SLC27A4: variants seen among roughly 807,000 people sequenced by gnomAD.
SLC27A4 encodes the protein solute carrier family 27 member 4, also known as long-chain fatty acid transport protein 4.
SLC27A4 carries 33 observed loss-of-function variants against 64.4 expected under a neutral mutation model. The observed-to-expected ratio is 0.51, with a 90% confidence interval of 0.39 to 0.68. The LOEUF is 0.68. Ranked by LOEUF, SLC27A4 falls within the 30% of genes least tolerant of loss-of-function variation. SLC27A4 has a pLI of 0.00. For missense variants in SLC27A4, 824 were observed against 883.5 expected (o/e 0.93, Z 0.85); for synonymous variants, 377 against 370.0 (o/e 1.02, Z -0.22).
Position 128,360,696 on chromosome 9 carries a change from T to G in SLC27A4, c.*205T>G. 1 of 592,058 alleles carries G rather than the reference T, an allele frequency of 1.7e-6. No homozygotes were observed. Among genetic ancestry groups the G allele is most frequent in the African/African-American group, 1.9e-5 (1 of 53,734 alleles). 36.7% of individuals were successfully genotyped at this position (592,058 alleles called of 1,614,324 possible). Reference sequence around the variant, plus strand: ...TTTCTGTGAAAGTCTCATGTCCAAGTTCCGTCTTCTGGGCTGGGCAGGCCC... The same window carrying G: ...TTTCTGTGAAAGTCTCATGTCCAAGGTCCGTCTTCTGGGCTGGGCAGGCCC... On this transcript the variant is annotated 3_prime_UTR_variant, in exon 13 of 13. Transcript: ENST00000300456.
In SLC27A4 at chr9:128,353,362, C is replaced by T; in HGVS notation, c.1198-53C>T. 2 of 1,613,994 alleles carry T rather than the reference C, an allele frequency of 1.2e-6. No homozygotes were observed. The highest frequency in any genetic ancestry group is 1.7e-6 in the Non-Finnish European group (2 of 1,179,968). ...TGGAGTCCCACTTCCCCCTCATTGT[C>T]CAGTTTTGGGCCCATGGTGAGAGAG... On this transcript the variant is annotated intron_variant, in intron 8 of 12. Coordinates refer to ENST00000300456, the MANE Select transcript of SLC27A4 (RefSeq NM_005094.4). This position sits in a 1 kb window ranked among gnomAD's most constrained non-coding sequence, Gnocchi z 4.9.
chr9:128,342,512 C>A, intron 1 of SLC27A4: 2 of 1,068,596 alleles, frequency 1.9e-6, no homozygotes, highest in Non-Finnish European at 2.8e-6. Context: ...CAAAGAACTA[C>A]TGACAACGAA....
intron 1 of SLC27A4, chr9:128,342,170 C>A: frequency 2.4e-6 from 3 of 1,270,070 alleles, no homozygotes; most frequent in Non-Finnish European, 3.5e-6. Context: ...TCGGTGGTGG[C>A]CACTGCGCAG....
Position 128,345,101 on chromosome 9 carries a change from G to A in SLC27A4, c.162-54G>A. 1 of 1,609,602 alleles carries A rather than the reference G, an allele frequency of 6.2e-7. No homozygotes were observed. The highest frequency in any genetic ancestry group is 8.5e-7 in the Non-Finnish European group (1 of 1,178,670). On this transcript the variant is annotated intron_variant, in intron 2 of 12. Transcript: ENST00000300456. The surrounding 1 kb of genome is among the most constrained non-coding windows in gnomAD (Gnocchi z 4.1). ...GCAGCAGCCTGGGGTAGGGTGTCAG[G>A]ACCCCTCCCTCCCAACCATGGCAGA...
In SLC27A4 at chr9:128,353,329, G is replaced by A. The variant is rs998564305; in HGVS notation, c.1198-86G>A. The A allele has an allele frequency of 1.9e-6, 3 of 1,611,290 alleles. No homozygotes were observed. The highest frequency in any genetic ancestry group is 1.1e-5 in the South Asian group (1 of 90,992). ...GAGGGCAGAGTTCGAGCGTGAGAGTGTGGGTGCTGGAGTCCCACTTCCCCC... is the reference window on the plus strand; with the variant it reads ...GAGGGCAGAGTTCGAGCGTGAGAGTATGGGTGCTGGAGTCCCACTTCCCCC... On this transcript the variant is annotated intron_variant, in intron 8 of 12. Transcript: ENST00000300456. The surrounding 1 kb of genome is among the most constrained non-coding windows in gnomAD (Gnocchi z 4.9).
chr9:128,342,798 GCA>G (rs1382137077), intron 1 of SLC27A4: 1 of 463,404 alleles, frequency 2.2e-6, no homozygotes. Flanking sequence ...TACACCCATT[GCA>G]CAGAGGGCAG....
rs1252895282 is a variant in SLC27A4, at chr9:128,360,371, G to A, written c.1812G>A (p.Glu604=). 6.2e-7 allele frequency: 1 copy of A among 1,614,060 alleles called. No individual in the cohort carries two copies. Among genetic ancestry groups the A allele is most frequent in the Non-Finnish European group, 8.5e-7 (1 of 1,180,046 alleles). The change falls in exon 13 of 13, where the codon GAG becomes GAA. Residue 604 remains glutamate (E), a synonymous_variant. Coordinates refer to ENST00000300456, the MANE Select transcript of SLC27A4 (RefSeq NM_005094.4). ...TCCAGAAGACAGAGCTACGGAAGGA[G>A]GGCTTTGACCCGGCTATTGTGAAAG... ...YKFQKTELRK[E]GFDPAIVKDP...
intron 1 of SLC27A4, among the ~76,000 whole-genome samples, chr9:128,341,852 C>T (rs1827230947): frequency 6.6e-6 from 1 of 152,208 alleles, no homozygotes; most frequent in African/African-American, 2.4e-5. Context: ...AATTCTTCTG[C>T]CTCAGCCTCC....
chr9:128,341,076 C>T (rs1368308090), intron 1 of SLC27A4, among the ~76,000 whole-genome samples: 1 of 152,234 alleles, frequency 6.6e-6, no homozygotes, highest in African/African-American at 2.4e-5. Flanking sequence ...AGGACAGGTT[C>T]CTGCCCCTCT....
At position 128,347,004 on chromosome 9, in the gene SLC27A4, C is replaced by CA. The variant is rs962404106; in HGVS notation, c.556+1464dup. ...TGGATGACAGAGAGAGGTTACGTGTCAAAAAAAAAGATACTTACCTGAAGC... is the reference window on the plus strand; with the variant it reads ...TGGATGACAGAGAGAGGTTACGTGTCAAAAAAAAAAGATACTTACCTGAAGC... On this transcript the variant is annotated intron_variant, in intron 3 of 12. Transcript: ENST00000300456. Among the ~76,000 whole-genome samples, 7 of 150,556 alleles carry CA rather than the reference C, an allele frequency of 4.6e-5. No homozygotes were observed. In the South Asian group the frequency reaches 8.4e-4, roughly 18 times the overall value.
Position 128,343,274 on chromosome 9 carries a change from A to G in SLC27A4, c.142A>G (p.Thr48Ala), listed in dbSNP as rs1427170851. ...GCGCTTCATCCGGGTCTTCATCAAG[A>G]CCATCAGGCGCGATATCTTGTGAGT... Reference protein sequence around the residue: ...GWRFIRVFIKTIRRDIFGGLV... With the variant: ...GWRFIRVFIKAIRRDIFGGLV... Residue 48 changes from threonine (T) to alanine (A), a missense_variant, in exon 2 of 13, where the codon ACC becomes GCC. Thr to Ala is a moderately conservative substitution (Grantham distance 58, BLOSUM62 0). Transcript: ENST00000300456. 1.9e-6 allele frequency: 3 copies of G among 1,613,718 alleles called. No individual in the cohort carries two copies. The Admixed American group carries it at 5.0e-5, about 27-fold the overall frequency.
chr9:128,353,267 G>A lies in SLC27A4; in HGVS notation c.1197+33G>A. ...CAGGTTGGGGATGGGCGAGGCTGCTGCAGGGATGGCCCACAGAAGGCACTG... is the reference window on the plus strand; with the variant it reads ...CAGGTTGGGGATGGGCGAGGCTGCTACAGGGATGGCCCACAGAAGGCACTG... On this transcript the variant is annotated intron_variant, in intron 8 of 12. Coordinates refer to ENST00000300456, the MANE Select transcript of SLC27A4 (RefSeq NM_005094.4). This position sits in a 1 kb window ranked among gnomAD's most constrained non-coding sequence, Gnocchi z 4.9. 1 of 1,611,084 alleles carries A rather than the reference G, an allele frequency of 6.2e-7. No individual in the cohort carries two copies. Among genetic ancestry groups the A allele is most frequent in the Non-Finnish European group, 8.5e-7 (1 of 1,177,952 alleles).
Position 128,352,631 on chromosome 9 carries a change from C to T in SLC27A4, c.878-7C>T, listed in dbSNP as rs770314876. 6.2e-7 allele frequency: 1 copy of T among 1,611,158 alleles called. No homozygotes were observed. The highest frequency in any genetic ancestry group is 8.5e-7 in the Non-Finnish European group (1 of 1,177,266). Reference sequence around the variant, plus strand: ...CTGACCCTCAGGGGCCATCCCTCTGCCTCCAGGAAACATCGTGGGAATCGG... The same window carrying T: ...CTGACCCTCAGGGGCCATCCCTCTGTCTCCAGGAAACATCGTGGGAATCGG... On this transcript the variant is annotated splice_region_variant and splice_polypyrimidine_tract_variant and intron_variant, in intron 6 of 12. Transcript: ENST00000300456.
chr9:128,342,169 G>A, intron 1 of SLC27A4: 2 of 1,246,694 alleles, frequency 1.6e-6, no homozygotes, highest in Admixed American at 1.7e-5. Context: ...CTCGGTGGTG[G>A]CCACTGCGCA....
In SLC27A4 at chr9:128,345,484, C is replaced by CTCTGCTCCACTGCCTCACCACCTCGCGCG. The variant is rs774986938; in HGVS notation, c.492_520dup (p.Ala174ValfsTer59). 1 of 1,612,554 alleles carries CTCTGCTCCACTGCCTCACCACCTCGCGCG rather than the reference C, an allele frequency of 6.2e-7. No homozygotes were observed. The highest frequency in any genetic ancestry group is 2.2e-5 in the East Asian group (1 of 44,868). The stretch of plus-strand genomic sequence containing the variant: ...ATCAACACCAACCTGCGGCGGGATG[C>CTCTGCTCCACTGCCTCACCACCTCGCGCG]TCTGCTCCACTGCCTCACCACCTCG... On this transcript the variant is annotated frameshift_variant, in exon 3 of 13. Coordinates refer to ENST00000300456, the MANE Select transcript of SLC27A4 (RefSeq NM_005094.4). LOFTEE classifies it high-confidence loss of function. This position sits in a 1 kb window ranked among gnomAD's most constrained non-coding sequence, Gnocchi z 4.1.
intron 9 of SLC27A4, 150 bp from the exon 10 acceptor site, chr9:128,354,903 A>C: frequency 1.2e-6 from 1 of 827,660 alleles, no homozygotes; most frequent in Non-Finnish European, 1.8e-6. Flanking sequence ...CAGTAAGCCA[A>C]GATTGCACTG....
rs746931919 is a variant in SLC27A4 at position 128,353,422 on chromosome 9, C to A, written c.1205C>A (p.Ala402Asp). 1 of 1,614,184 alleles carries A rather than the reference C, an allele frequency of 6.2e-7. No homozygotes were observed. Among genetic ancestry groups the A allele is most frequent in the South Asian group, 1.1e-5 (1 of 91,088 alleles). Residue 402 changes from alanine (A) to aspartate (D), a missense_variant, in exon 9 of 13, where the codon GCC becomes GAC. Transcript: ENST00000300456. The surrounding 1 kb of genome is among the most constrained non-coding windows in gnomAD (Gnocchi z 4.9). ...SLGNFDSQVG[A>D]CGFNSRILSF... Reference sequence around the variant, plus strand: ...AAGTCTTGGCCTTCGCAGGTGGGGGCCTGTGGTTTCAATAGCCGCATCCTG... The same window carrying A: ...AAGTCTTGGCCTTCGCAGGTGGGGGACTGTGGTTTCAATAGCCGCATCCTG...
chr9:128,347,098 C>T (rs1444895776), intron 3 of SLC27A4, among the ~76,000 whole-genome samples: 1 of 152,104 alleles, frequency 6.6e-6, no homozygotes, highest in Non-Finnish European at 1.5e-5. Context: ...CTAATTAGGC[C>T]GTATCTAGCT....
rs375620783 is a variant in SLC27A4 at position 128,358,179 on chromosome 9, T to C, written c.1775-2155T>C. The stretch of plus-strand genomic sequence containing the variant: ...GAGCAGTTCTTCTATTGACCTTGCT[T>C]TGGGGTCATCACTTAGTAACTTAGC... On this transcript the variant is annotated intron_variant, in intron 12 of 12. Coordinates refer to ENST00000300456, the MANE Select transcript of SLC27A4 (RefSeq NM_005094.4). Among the ~76,000 whole-genome samples the C allele has an allele frequency of 1.1e-3, 165 of 152,312 alleles. 1 individual carries two copies. The highest frequency in any genetic ancestry group is 3.7e-3 in the African/African-American group (155 of 41,580).
Sources: allele counts gnomAD v4.1 joint callset (sites outside exome capture counted in the v4.1 genomes callset), GRCh38; gene constraint gnomAD v4.1.1; non-coding constraint Gnocchi (gnomAD v3.1); transcripts MANE v1.5; gene names NCBI Gene and HGNC (gene_info 2026-07-23, HGNC 2026-07-21).